Variants in SAMD4A observed in about 807,000 individuals in gnomAD.
SAMD4A encodes protein Smaug homolog 1.
Under a neutral mutation model 81.3 loss-of-function variants are expected in SAMD4A, and 33 were observed. The ratio of observed to expected loss-of-function variants is 0.41; its 90% CI spans 0.31 to 0.54. The LOEUF (loss-of-function observed/expected upper bound fraction) is 0.54, where lower values mean the gene tolerates loss of function less well. Among genes scored for constraint, SAMD4A ranks in the 20% least tolerant of loss-of-function variants. SAMD4A has a pLI of 0.37. For synonymous variants in SAMD4A, 389 were observed against 382.1 expected (o/e 1.02, Z -0.21); for missense variants, 854 against 951.1 (o/e 0.90, Z 1.34).
At chr14:54,783,812 G>A (rs999217421) in intron 11 of SAMD4A, among the ~76,000 whole-genome samples, 4 of 152,194 alleles carry the variant, frequency 2.6e-5, no homozygotes, top group African/African-American at 7.2e-5. Context: ...TAAGAGGTGC[G>A]TGCTGGGCCC....
intron 3 of SAMD4A, 75 bp downstream of exon 3, chr14:54,702,655 T>C (rs2036749556): frequency 1.3e-6 from 2 of 1,516,472 alleles, no homozygotes; most frequent in Non-Finnish European, 9.0e-7. Context: ...CTGCTGACAG[T>C]GTCTGCTCCA....
intron 6 of SAMD4A, among the ~76,000 whole-genome samples, chr14:54,758,764 AG>A (rs1203898308): frequency 6.6e-6 from 1 of 152,146 alleles, no homozygotes; most frequent in Non-Finnish European, 1.5e-5. Flanking sequence ...TAGGAGGCGG[AG>A]GTTGCAGTGG....
Position 54,660,148 on chromosome 14 carries a change from C to T in SAMD4A, c.197-41914C>T, listed in dbSNP as rs143424842. Among the ~76,000 whole-genome samples, 385 of 152,136 alleles carry T rather than the reference C, an allele frequency of 2.5e-3. 2 individuals carry two copies. The highest frequency in any genetic ancestry group is 9.0e-3 in the African/African-American group (373 of 41,502). ...GTTTCAGGGGTTTGGTGTATCTAAT[C>T]TCCCAGACATCAATGATACCTAAAG... is the stretch of plus-strand genomic sequence containing the variant. On this transcript the variant is annotated intron_variant, in intron 2 of 12. Transcript: ENST00000554335.
chr14:54,681,713 T>G, intron 2 of SAMD4A: 3 of 836,840 alleles, frequency 3.6e-6, no homozygotes, highest in Non-Finnish European at 4.3e-6. Flanking sequence ...ATTACAGGTG[T>G]GAGCCACCAC....
rs1016406085 is a variant in SAMD4A, at chr14:54,707,576, A to G, written c.715+4996A>G. 1.5e-4 allele frequency among the ~76,000 whole-genome samples: 23 copies of G among 152,138 alleles called. 1 individual carries two copies. Among genetic ancestry groups the G allele is most frequent in the African/African-American group, 5.6e-4 (23 of 41,422 alleles). On this transcript the variant is annotated intron_variant, in intron 3 of 12. Coordinates refer to ENST00000554335, the MANE Select transcript of SAMD4A (RefSeq NM_015589.6). ...TGTGTACAAATTGTAGTATATAAAT[A>G]AAGTATATGTGTGGTAGAAGATGAT...
rs920913912 is a variant in SAMD4A, at chr14:54,785,883, G to A, written c.2128+1263G>A. 4.6e-5 allele frequency among the ~76,000 whole-genome samples: 7 copies of A among 152,206 alleles called. No individual in the cohort carries two copies. The South Asian group carries it at 8.3e-4, about 18-fold the overall frequency. On this transcript the variant is annotated intron_variant, in intron 12 of 12. Coordinates refer to ENST00000554335, the MANE Select transcript of SAMD4A (RefSeq NM_015589.6). ...CAGAGCTTCACCAAACAGATGGTGG[G>A]AAGACACAGCCCCTTCTGTGACTTC...
At chr14:54,617,787 A>G (rs1035842658) in intron 2 of SAMD4A, among the ~76,000 whole-genome samples, 12 of 152,188 alleles carry the variant, frequency 7.9e-5, no homozygotes, top group African/African-American at 2.9e-4. Flanking sequence ...ACAACAATTC[A>G]TTTCTCTGCA....
rs74591982 is a variant in SAMD4A at position 54,608,606 on chromosome 14, A to C, written c.196+40494A>C. On this transcript the variant is annotated intron_variant, in intron 2 of 12. Coordinates refer to ENST00000554335, the MANE Select transcript of SAMD4A (RefSeq NM_015589.6). ...AATACTGGACATGCTGTGCTGGCACATAGTAGGTTATTGAGTTTGATATTT... is the reference window on the plus strand; with the variant it reads ...AATACTGGACATGCTGTGCTGGCACCTAGTAGGTTATTGAGTTTGATATTT... 1.7e-3 allele frequency among the ~76,000 whole-genome samples: 263 copies of C among 152,334 alleles called. 1 individual carries two copies. The highest frequency in any genetic ancestry group is 5.7e-3 in the African/African-American group (238 of 41,570).
intron 2 of SAMD4A, among the ~76,000 whole-genome samples, chr14:54,677,761 T>C (rs1158954042): frequency 6.6e-6 from 1 of 152,240 alleles, no homozygotes; most frequent in Non-Finnish European, 1.5e-5. Context: ...ATTAGTCTTA[T>C]AAAACATAGT....
chr14:54,774,830 A>AG (rs1294934119), intron 9 of SAMD4A, 104 bp from the exon 10 acceptor site: 2 of 1,048,762 alleles, frequency 1.9e-6, no homozygotes, highest in Non-Finnish European at 2.7e-6. Flanking sequence ...AAAAAAAAAA[A>AG]AAAAATGAGG....
chr14:54,729,435 A>G (rs1471291989), intron 3 of SAMD4A, among the ~76,000 whole-genome samples: 2 of 152,182 alleles, frequency 1.3e-5, no homozygotes, highest in African/African-American at 4.8e-5. Context: ...CAGTGACTGG[A>G]GCATTTTTAC....
intron 8 of SAMD4A, among the ~76,000 whole-genome samples, chr14:54,766,975 G>A (rs983136363): frequency 4.1e-4 from 63 of 152,114 alleles, no homozygotes; most frequent in African/African-American, 1.4e-3. Context: ...GCAGCCCCAG[G>A]TGATCTCCTC....
At chr14:54,573,925 A>G (rs529521054) in intron 2 of SAMD4A, among the ~76,000 whole-genome samples, 1 of 152,290 alleles carries the variant, frequency 6.6e-6, no homozygotes, top group African/African-American at 2.4e-5. Flanking sequence ...AGCTCATTCT[A>G]TTGTTTTGTT....
chr14:54,650,958 A>G (rs532694288), intron 2 of SAMD4A, among the ~76,000 whole-genome samples: 1 of 152,294 alleles, frequency 6.6e-6, no homozygotes, highest in South Asian at 2.1e-4. Flanking sequence ...AAAAATATAT[A>G]TCAACTGAAT....
chr14:54,568,643 G>A (rs966441024), intron 2 of SAMD4A, among the ~76,000 whole-genome samples: 7 of 138,534 alleles, frequency 5.1e-5, no homozygotes, highest in Non-Finnish European at 9.2e-5. Flanking sequence ...TTCGTCTTCA[G>A]AATAATATGC....
At chr14:54,743,222 A>T (rs1198801589) in intron 4 of SAMD4A, among the ~76,000 whole-genome samples, 3 of 152,228 alleles carry the variant, frequency 2.0e-5, no homozygotes, top group African/African-American at 7.2e-5. Flanking sequence ...GAAACTGGTC[A>T]TTATTTTCTT....
At chr14:54,606,210 T>TGTGC (rs998028328) in intron 2 of SAMD4A, among the ~76,000 whole-genome samples, 20 of 150,444 alleles carry the variant, frequency 1.3e-4, no homozygotes, top group Admixed American at 5.3e-4. Context: ...TGTGTGTGTG[T>TGTGC]GTGCGTGCAC....
intron 3 of SAMD4A, among the ~76,000 whole-genome samples, chr14:54,734,247 CT>C (rs2037633288): frequency 6.6e-6 from 1 of 152,208 alleles, no homozygotes; most frequent in Non-Finnish European, 1.5e-5. Context: ...CCTAGCACGA[CT>C]TTTGATTGAG....
intron 2 of SAMD4A, chr14:54,694,317 G>C (rs1166423491): frequency 6.5e-6 from 1 of 152,728 alleles, no homozygotes; most frequent in African/African-American, 2.4e-5. Context: ...TCACATTCCA[G>C]ATGTATTTTG....
Sources: gnomAD v4.1 joint callset for allele counts (sites outside exome capture counted in the v4.1 genomes callset) on GRCh38, gnomAD v4.1.1 for gene constraint, MANE v1.5 for transcripts, NCBI Gene and HGNC (gene_info 2026-07-23, HGNC 2026-07-21) for gene names.